Variants in ZDBF2 observed in about 807,000 individuals in gnomAD.
The protein encoded by ZDBF2 is DBF4-type zinc finger-containing protein 2.
In ZDBF2, 6 loss-of-function variants were observed where a neutral mutation model predicts 9.4. That is an observed-to-expected ratio of 0.64 (90% CI 0.35 to 1.27). ZDBF2 has a LOEUF of 1.27. Ranked by LOEUF, ZDBF2 falls within the 50% of genes most tolerant of loss-of-function variation. The pLI is 0.03. For synonymous variants in ZDBF2, 905 were observed against 946.3 expected (o/e 0.96, Z 0.80); for missense variants, 2,697 against 2,766.8 (o/e 0.97, Z 0.57).
rs376775250 is a variant in ZDBF2 at position 206,310,509 on chromosome 2, C to T, written c.5981C>T (p.Ala1994Val). 19 of 1,613,330 alleles carry T rather than the reference C, an allele frequency of 1.2e-5. No individual in the cohort carries two copies. The highest frequency in any genetic ancestry group is 1.5e-5 in the Non-Finnish European group (18 of 1,179,758). The stretch of plus-strand genomic sequence containing the variant: ...AAAATTGGGACAGTTGAATTTCCTG[C>T]ATCATGTACTAAAGTTTTGAAGCCT... ...KVKIGTVEFP[A>V]SCTKVLKPMQ... Residue 1994 changes from alanine to valine, a missense_variant, in exon 5 of 5, where the codon GCA becomes GTA. Around this residue, in one of 3 missense-constraint regions of ZDBF2, gnomAD observed 1,783 missense variants for 1,776.5 expected, o/e 1.00. Transcript: ENST00000374423.
intron 3 of ZDBF2, among the ~76,000 whole-genome samples, chr2:206,284,305 T>C (rs1691487444): frequency 6.6e-6 from 1 of 152,198 alleles, no homozygotes; most frequent in Admixed American, 6.5e-5. Flanking sequence ...TTGATTTGTT[T>C]ACTTTTATTA....
At chr2:206,297,654 G>C (rs1465537663) in intron 4 of ZDBF2, among the ~76,000 whole-genome samples, 1 of 151,958 alleles carries the variant, frequency 6.6e-6, no homozygotes, top group Non-Finnish European at 1.5e-5. Flanking sequence ...ATTAAGCAGG[G>C]GGAAAAGGAG....
chr2:206,309,169 G>C lies in ZDBF2; in HGVS notation c.4641G>C (p.Gln1547His), dbSNP rs756762876. ...TAATTTCAGATGATATTCCCCTTCA[G>C]TTAGTGACTGACCCACCTCAGTTGA... ...YEVISDDIPLQLVTDPPQLTV... is the reference protein window; with the variant it reads ...YEVISDDIPLHLVTDPPQLTV... The change falls in exon 5 of 5, where the codon CAG becomes CAC. Residue 1547 changes from glutamine (Q) to histidine (H), a missense_variant. Coordinates refer to ENST00000374423, the MANE Select transcript of ZDBF2 (RefSeq NM_020923.3). 3 of 1,610,690 alleles carry C rather than the reference G, an allele frequency of 1.9e-6. No homozygotes were observed. The highest frequency in any genetic ancestry group is 1.3e-5 in the African/African-American group (1 of 74,902).
chr2:206,275,010 G>C (rs924507179), intron 1 of ZDBF2, 64 bp downstream of exon 1: 1 of 149,916 alleles, frequency 6.7e-6, no homozygotes, highest in Admixed American at 6.6e-5. Context: ...CCTGCTCGCC[G>C]GGCGCCCGGG....
At chr2:206,286,192 C>A (rs1223548806) in intron 3 of ZDBF2, among the ~76,000 whole-genome samples, 1 of 152,140 alleles carries the variant, frequency 6.6e-6, no homozygotes, top group Non-Finnish European at 1.5e-5. Context: ...TGGTTGAAAT[C>A]TTCTGTAAAT....
At position 206,309,727 on chromosome 2, in the gene ZDBF2, A is replaced by G. The variant is rs1243640952; in HGVS notation, c.5199A>G (p.Lys1733=). 1.9e-6 allele frequency: 3 copies of G among 1,613,814 alleles called. No homozygotes were observed. Among genetic ancestry groups the G allele is most frequent in the Non-Finnish European group, 1.7e-6 (2 of 1,179,892 alleles). ...ATAAAAAAAAACGTTCGAAGCTAAA[A>G]CATAGAGATCTAGAAGTGAGCTGTG... ...RADKKKRSKL[K]HRDLEVSCEP... Residue 1733 remains lysine, a synonymous_variant, in exon 5 of 5, where the codon AAA becomes AAG. Coordinates refer to ENST00000374423, the MANE Select transcript of ZDBF2 (RefSeq NM_020923.3).
chr2:206,309,696 G>T lies in ZDBF2; in HGVS notation c.5168G>T (p.Arg1723Met). ...GASSKSALHR[R>M]ADKKKRSKLK... ...TCTTCCAAGTCAGCGCTCCATCGAAGGGCTGATAAAAAAAAACGTTCGAAG... is the reference window on the plus strand; with the variant it reads ...TCTTCCAAGTCAGCGCTCCATCGAATGGCTGATAAAAAAAAACGTTCGAAG... Residue 1723 changes from arginine to methionine, a missense_variant, in exon 5 of 5, where the codon AGG becomes ATG. Arg to Met is a moderately conservative substitution (Grantham distance 91, BLOSUM62 -1). This residue lies in a region of ZDBF2 where 1,783 missense variants were observed against 1,776.5 expected (regional missense o/e 1.00). Coordinates refer to ENST00000374423, the MANE Select transcript of ZDBF2 (RefSeq NM_020923.3). The T allele has an allele frequency of 6.2e-7, 1 of 1,613,794 alleles. No individual in the cohort carries two copies. Among genetic ancestry groups the T allele is most frequent in the Non-Finnish European group, 8.5e-7 (1 of 1,179,852 alleles).
chr2:206,276,818 G>C lies in ZDBF2; in HGVS notation c.-103+1872G>C, dbSNP rs139497622. On this transcript the variant is annotated intron_variant, in intron 1 of 4. Coordinates refer to ENST00000374423, the MANE Select transcript of ZDBF2 (RefSeq NM_020923.3). ...GCGCCTGGCTCAGATTAAGTACTAA[G>C]TATTAGCTATTATTATTTTATTAAG... 2.2e-3 allele frequency among the ~76,000 whole-genome samples: 335 copies of C among 152,324 alleles called. 1 individual carries two copies. The highest frequency in any genetic ancestry group is 6.0e-3 in the South Asian group (29 of 4,824).
intron 3 of ZDBF2, among the ~76,000 whole-genome samples, chr2:206,295,080 A>C (rs1692097486): frequency 6.6e-6 from 1 of 152,170 alleles, no homozygotes; most frequent in Admixed American, 6.5e-5. Context: ...ATGGAAGAAA[A>C]TAATTCCAAG....
chr2:206,295,447 T>A (rs1429146051), intron 3 of ZDBF2, among the ~76,000 whole-genome samples: 1 of 146,152 alleles, frequency 6.8e-6, no homozygotes, highest in Non-Finnish European at 1.5e-5. Context: ...TACTGCAACC[T>A]CCGCCTCCAG....
chr2:206,277,193 C>T (rs1691055615), intron 1 of ZDBF2, among the ~76,000 whole-genome samples: 1 of 151,842 alleles, frequency 6.6e-6, no homozygotes, highest in Non-Finnish European at 1.5e-5. Context: ...CACACTGCCA[C>T]GCCACACTCA....
intron 1 of ZDBF2, among the ~76,000 whole-genome samples, chr2:206,275,516 G>T (rs1690945770): frequency 6.6e-6 from 1 of 152,154 alleles, no homozygotes; most frequent in Non-Finnish European, 1.5e-5. Context: ...ATGTGGTCGT[G>T]TTACGCCATC....
intron 3 of ZDBF2, among the ~76,000 whole-genome samples, chr2:206,285,536 A>G (rs1025895733): frequency 6.6e-6 from 1 of 152,132 alleles, no homozygotes; most frequent in Non-Finnish European, 1.5e-5. Context: ...TCCATATTCC[A>G]GGTATTAATC....
Position 206,310,465 on chromosome 2 carries a change from A to C in ZDBF2, c.5937A>C (p.Arg1979Ser). The change falls in exon 5 of 5, where the codon AGA becomes AGC. Residue 1979 changes from arginine (R) to serine (S), a missense_variant. By Grantham distance (110) the Arg-to-Ser change is moderately radical. Around this residue, in one of 3 missense-constraint regions of ZDBF2, gnomAD observed 1,783 missense variants for 1,776.5 expected, o/e 1.00. Coordinates refer to ENST00000374423, the MANE Select transcript of ZDBF2 (RefSeq NM_020923.3). ...AGTGTTCACGTTTACAGGATGACAG[A>C]AAAACCAAAAAGAAAGTCAAAATTG... is the stretch of plus-strand genomic sequence containing the variant. Reference protein sequence around the residue: ...KSKCSRLQDDRKTKKKVKIGT... With the variant: ...KSKCSRLQDDSKTKKKVKIGT... 6.2e-7 allele frequency: 1 copy of C among 1,613,782 alleles called. No individual in the cohort carries two copies. The highest frequency in any genetic ancestry group is 8.5e-7 in the Non-Finnish European group (1 of 1,179,862).
chr2:206,298,274 T>C (rs915222318), intron 4 of ZDBF2, among the ~76,000 whole-genome samples: 1 of 152,236 alleles, frequency 6.6e-6, no homozygotes, highest in Non-Finnish European at 1.5e-5. Flanking sequence ...ATAATATGTT[T>C]GTAGCTCCCG....
intron 4 of ZDBF2, among the ~76,000 whole-genome samples, chr2:206,298,135 G>C (rs895554752): frequency 1.3e-5 from 2 of 152,150 alleles, no homozygotes; most frequent in African/African-American, 4.8e-5. Flanking sequence ...AAATCTGTCT[G>C]TATTTTGATA....
Position 206,310,331 on chromosome 2 carries a change from T to C in ZDBF2, c.5803T>C (p.Ser1935Pro). ...TCCTAAGCAAAAGGGGCGTGTGGCT[T>C]CTCAATGCCAGACAGCGAAAATCAG... is the stretch of plus-strand genomic sequence containing the variant. ...RPPKQKGRVA[S>P]QCQTAKISHS... The change falls in exon 5 of 5, where the codon TCT becomes CCT. Residue 1935 changes from serine to proline, a missense_variant. Physicochemically the swap from Ser to Pro is moderately conservative, Grantham distance 74. This residue lies in a region of ZDBF2 where 1,783 missense variants were observed against 1,776.5 expected (regional missense o/e 1.00). Transcript: ENST00000374423. 2 of 1,613,890 alleles carry C rather than the reference T, an allele frequency of 1.2e-6. No individual in the cohort carries two copies. Among genetic ancestry groups the C allele is most frequent in the Non-Finnish European group, 1.7e-6 (2 of 1,179,882 alleles).
chr2:206,309,900 C>G lies in ZDBF2; in HGVS notation c.5372C>G (p.Ser1791Cys). ...AAGAACCATGATTCCCAGTCAAGCTCTGTTCTCAAGGTTGATTCTGTAAGG... is the reference window on the plus strand; with the variant it reads ...AAGAACCATGATTCCCAGTCAAGCTGTGTTCTCAAGGTTGATTCTGTAAGG... ...KEKNHDSQSS[S>C]VLKVDSVRNL... The change falls in exon 5 of 5, where the codon TCT becomes TGT. Residue 1791 changes from serine (S) to cysteine (C), a missense_variant. Transcript: ENST00000374423. The G allele has an allele frequency of 6.2e-7, 1 of 1,613,970 alleles. No homozygotes were observed. Among genetic ancestry groups the G allele is most frequent in the South Asian group, 1.1e-5 (1 of 91,070 alleles).
At position 206,306,860 on chromosome 2, in the gene ZDBF2, C is replaced by T; in HGVS notation, c.2332C>T (p.Leu778=). 1 of 1,613,796 alleles carries T rather than the reference C, an allele frequency of 6.2e-7. No individual in the cohort carries two copies. The highest frequency in any genetic ancestry group is 8.5e-7 in the Non-Finnish European group (1 of 1,179,806). ...DAEGKERHID[L]EDESCESDSS... The stretch of plus-strand genomic sequence containing the variant: ...TGAAGGAAAAGAACGGCACATTGAC[C>T]TGGAAGATGAGAGCTGTGAGTCAGA... Residue 778 remains leucine (L), a synonymous_variant, in exon 5 of 5, where the codon CTG becomes TTG. Coordinates refer to ENST00000374423, the MANE Select transcript of ZDBF2 (RefSeq NM_020923.3).
Sources: gnomAD v4.1 joint callset for allele counts (sites outside exome capture counted in the v4.1 genomes callset) on GRCh38, gnomAD v4.1.1 for gene constraint, gnomAD v4.1.1 regional missense constraint, MANE v1.5 for transcripts, NCBI Gene and HGNC (gene_info 2026-07-23, HGNC 2026-07-21) for gene names.